NLRP14: variants seen among roughly 807,000 people sequenced by gnomAD.
The protein encoded by NLRP14 is NACHT, LRR and PYD domains-containing protein 14.
NLRP14 carries 105 observed loss-of-function variants against 94.7 expected under a neutral mutation model. The observed-to-expected ratio is 1.11, with a 90% CI of 0.95 to 1.30. NLRP14 has a LOEUF of 1.30. NLRP14 is among the 50% of genes most tolerant of loss of function. The pLI is 0.00. For missense variants in NLRP14, 1,362 were observed against 1,254.1 expected, an observed-to-expected ratio of 1.09 and a Z score of -1.30; for synonymous variants, 508 against 459.9, an observed-to-expected ratio of 1.10 and a Z score of -1.34.
At chr11:7,067,943 A>C (rs371367740) in intron 10 of NLRP14, among the ~76,000 whole-genome samples, 1 of 152,004 alleles carries the variant, frequency 6.6e-6, no homozygotes, top group Admixed American at 6.6e-5. Flanking sequence ...TGTATGTAGG[A>C]TTTTTGACTT....
intron 2 of NLRP14, 73 bp downstream of exon 2, chr11:7,038,948 T>C (rs1377215001): frequency 3.4e-5 from 49 of 1,447,860 alleles, no homozygotes; most frequent in Non-Finnish European, 4.4e-5. Context: ...GGAATGTTTC[T>C]GTAAGAGGGA....
chr11:7,090,092 C>T, the NLRP14 span: 7 of 1,611,584 alleles, frequency 4.3e-6, no homozygotes, highest in African/African-American at 9.3e-5. Context: ...GCGGCCGCGA[C>T]AGTTACAGCA....
At chr11:7,068,165 T>C (rs925997679) in intron 10 of NLRP14, among the ~76,000 whole-genome samples, 1 of 152,162 alleles carries the variant, frequency 6.6e-6, no homozygotes, top group African/African-American at 2.4e-5. Flanking sequence ...TCTTTATTTT[T>C]TATTCAAAGA....
intron 1 of NLRP14, among the ~76,000 whole-genome samples, chr11:7,035,068 G>C (rs1370336886): frequency 6.6e-6 from 1 of 152,152 alleles, no homozygotes; most frequent in African/African-American, 2.4e-5. Flanking sequence ...TAGGTGGGCA[G>C]ATCACTTGAG....
chr11:7,062,288 A>T, intron 9 of NLRP14, 45 bp from the exon 10 acceptor site: 1 of 1,533,250 alleles, frequency 6.5e-7, no homozygotes, highest in East Asian at 2.2e-5. Context: ...AACTTATTTA[A>T]CCTCACAATG....
chr11:7,070,546 A>T, intron 11 of NLRP14, 90 bp downstream of exon 11: 1 of 830,468 alleles, frequency 1.2e-6, no homozygotes, highest in Middle Eastern at 2.3e-4. Context: ...GAATCCACCT[A>T]ATTGTGTATC....
At chr11:7,055,702 A>T (rs1281441072) in intron 6 of NLRP14, among the ~76,000 whole-genome samples, 1 of 152,148 alleles carries the variant, frequency 6.6e-6, no homozygotes, top group African/African-American at 2.4e-5. Flanking sequence ...CTCTCAAAGC[A>T]GAGCTTATTC....
downstream of NLRP14, among the ~76,000 whole-genome samples, chr11:7,072,825 C>T (rs1408349439): frequency 2.6e-5 from 4 of 152,128 alleles, no homozygotes; most frequent in Non-Finnish European, 5.9e-5. Context: ...TGGAGGAGTC[C>T]TTTCCTTCCT....
the NLRP14 span, chr11:7,089,835 AC>A: frequency 6.2e-7 from 1 of 1,610,622 alleles, no homozygotes; most frequent in Non-Finnish European, 8.5e-7. Flanking sequence ...CGGAGAGTAC[AC>A]CCACCGCGAT....
intron 5 of NLRP14, among the ~76,000 whole-genome samples, chr11:7,049,065 C>T (rs771349321): frequency 3.3e-5 from 5 of 152,004 alleles, no homozygotes; most frequent in East Asian, 3.9e-4. Flanking sequence ...TGTTACAAAG[C>T]GAGGTTTTGG....
rs994129432 is a variant in NLRP14 at position 7,031,279 on chromosome 11, G to C, written c.-21-7287G>C. The stretch of plus-strand genomic sequence containing the variant: ...TGCGTACTTTGTCCACTCTAAAATG[G>C]GAAGTTGGGTTCTGTGCGAGTCCAT... On this transcript the variant is annotated intron_variant, in intron 1 of 11. Coordinates refer to ENST00000299481, the MANE Select transcript of NLRP14 (RefSeq NM_176822.4). Among the ~76,000 whole-genome samples the C allele has an allele frequency of 3.9e-5, 6 of 152,192 alleles. No homozygotes were observed. The South Asian group carries it at 1.2e-3, about 31-fold the overall frequency.
In NLRP14 at chr11:7,063,843, AAGGACTACT is replaced by A. The variant is rs371719170; in HGVS notation, c.2975+1344_2975+1352del. On this transcript the variant is annotated intron_variant, in intron 10 of 11. Coordinates refer to ENST00000299481, the MANE Select transcript of NLRP14 (RefSeq NM_176822.4). ...CTCAGTCAACTGAGTAAGTCCCAGG[AAGGACTACT>A]AGGTCTTTTATGCTTTAGAACCCAT... is the stretch of plus-strand genomic sequence containing the variant. Among the ~76,000 whole-genome samples, 467 of 152,214 alleles carry A rather than the reference AAGGACTACT, an allele frequency of 3.1e-3. 4 individuals are homozygous for A. Among genetic ancestry groups the A allele is most frequent in the African/African-American group, 0.011 (440 of 41,566 alleles).
chr11:7,081,214 T>C, the NLRP14 span, among the ~76,000 whole-genome samples: 1 of 152,140 alleles, frequency 6.6e-6, no homozygotes, highest in Non-Finnish European at 1.5e-5. Context: ...TAAGGTGAAC[T>C]TTAGAATTAG....
the NLRP14 span, chr11:7,089,734 C>T: frequency 1.3e-6 from 2 of 1,544,092 alleles, no homozygotes; most frequent in Non-Finnish European, 1.7e-6. Flanking sequence ...CGCCGCGACC[C>T]CTACCTGGGC....
At chr11:7,037,090 G>A (rs563564951) in intron 1 of NLRP14, among the ~76,000 whole-genome samples, 24 of 152,284 alleles carry the variant, frequency 1.6e-4, no homozygotes, top group Middle Eastern at 3.4e-3. Flanking sequence ...GAAAGGAAGC[G>A]GAAGATGTAT....
At chr11:7,044,117 G>A (rs1468336125) in intron 4 of NLRP14, 133 bp downstream of exon 4, 3 of 894,612 alleles carry the variant, frequency 3.4e-6, no homozygotes, top group South Asian at 1.5e-5. Flanking sequence ...CTTGAGGCAG[G>A]GAGGCTAAGC....
intron 6 of NLRP14, among the ~76,000 whole-genome samples, chr11:7,055,658 C>T (rs1391480747): frequency 6.6e-5 from 10 of 152,018 alleles, no homozygotes; most frequent in South Asian, 4.1e-4. Flanking sequence ...AAAGCTCCAG[C>T]GTCTTGCATC....
At chr11:7,084,974 G>A in the NLRP14 span, among the ~76,000 whole-genome samples, 1 of 152,190 alleles carries the variant, frequency 6.6e-6, no homozygotes, top group African/African-American at 2.4e-5. Context: ...GTGTCCAGGA[G>A]CTGGAGAATT....
chr11:7,070,808 ATATAGGC>A (rs1295451699), intron 11 of NLRP14, among the ~76,000 whole-genome samples: 1 of 152,210 alleles, frequency 6.6e-6, no homozygotes, highest in Non-Finnish European at 1.5e-5. Flanking sequence ...ATCTGAGTCA[ATATAGGC>A]TAAGTACTTA....
Sources: allele counts gnomAD v4.1 joint callset (sites outside exome capture counted in the v4.1 genomes callset), GRCh38; gene constraint gnomAD v4.1.1; transcripts MANE v1.5; gene names NCBI Gene and HGNC (gene_info 2026-07-23, HGNC 2026-07-21).